The following VEZT variants were observed in gnomAD, a reference collection of about 807,000 sequenced individuals.
VEZT encodes vezatin.
A neutral mutation model predicts 79.9 loss-of-function variants in VEZT; 39 were observed. The observed-to-expected ratio is 0.49, with a 90% CI of 0.38 to 0.64. The LOEUF (loss-of-function observed/expected upper bound fraction) is 0.64. Ranked by LOEUF, VEZT falls within the 30% of genes least tolerant of loss-of-function variation. The pLI is 0.00. For missense variants in VEZT, 837 were observed against 893.1 expected, an observed-to-expected ratio of 0.94 and a Z score of 0.80; for synonymous variants, 325 against 327.6, an observed-to-expected ratio of 0.99 and a Z score of 0.09.
In VEZT at chr12:95,300,422, G is replaced by A. The variant is rs1594316424; in HGVS notation, c.2089G>A (p.Glu697Lys). The A allele has an allele frequency of 6.2e-7, 1 of 1,613,986 alleles. No homozygotes were observed. The highest frequency in any genetic ancestry group is 8.5e-7 in the Non-Finnish European group (1 of 1,179,876). Residue 697 changes from glutamate (E) to lysine (K), a missense_variant, in exon 12 of 12, where the codon GAA becomes AAA. Physicochemically the swap from Glu to Lys is moderately conservative, Grantham distance 56. Transcript: ENST00000436874. ...AAGAATGTGTTACCAATGTGAGAGT[G>A]AAGATGAACCACAAGCAGATGGAAG... ...EERMCYQCES[E>K]DEPQADGSGL...
In VEZT at chr12:95,252,603, A is replaced by G. The variant is rs551071284; in HGVS notation, c.168+532A>G. ...AGGCCGAGATACTAGAAAAATCTCC[A>G]TTAATTATGTTCTACAAAATGCATT... is the stretch of plus-strand genomic sequence containing the variant. On this transcript the variant is annotated intron_variant, in intron 2 of 11. Coordinates refer to ENST00000436874, the MANE Select transcript of VEZT (RefSeq NM_017599.4). 6.6e-4 allele frequency among the ~76,000 whole-genome samples: 101 copies of G among 152,354 alleles called. No homozygotes were observed. In the South Asian group the frequency reaches 9.5e-3, roughly 14 times the overall value.
In VEZT at chr12:95,257,173, T is replaced by C. The variant is rs746165542; in HGVS notation, c.192T>C (p.Ala64=). 6.2e-7 allele frequency: 1 copy of C among 1,611,636 alleles called. No individual in the cohort carries two copies. The highest frequency in any genetic ancestry group is 1.1e-5 in the South Asian group (1 of 90,462). The change falls in exon 3 of 12, where the codon GCT becomes GCC. Residue 64 remains alanine, a synonymous_variant. Coordinates refer to ENST00000436874, the MANE Select transcript of VEZT (RefSeq NM_017599.4). ...LPKQGILLKV[A]ETIKSWIFFS... is the part of the protein sequence containing the mutation. Reference sequence around the variant, plus strand: ...AGCAAGGTATCCTGTTAAAAGTGGCTGAAACCATCAAAAGTTGGATTTTTT... The same window carrying C: ...AGCAAGGTATCCTGTTAAAAGTGGCCGAAACCATCAAAAGTTGGATTTTTT...
chr12:95,300,964 A>C lies in VEZT; in HGVS notation c.*291A>C, dbSNP rs2075146116. On this transcript the variant is annotated 3_prime_UTR_variant, in exon 12 of 12. Coordinates refer to ENST00000436874, the MANE Select transcript of VEZT (RefSeq NM_017599.4). ...CTTTAAGTATTTTTAATAAGAAATG[A>C]ATTATCATTTCTTGCCAGAATTTGC... is the stretch of plus-strand genomic sequence containing the variant. 9.8e-6 allele frequency: 2 copies of C among 204,310 alleles called. No homozygotes were observed. 12.7% of individuals were successfully genotyped at this position (204,310 alleles called of 1,614,324 possible). A position where few individuals can be genotyped will look rare whatever the true frequency, so the allele number is the denominator to read the frequency against.
chr12:95,287,619 A>G (rs1393455882), intron 8 of VEZT, 45 bp from the exon 9 acceptor site: 1 of 1,403,978 alleles, frequency 7.1e-7, no homozygotes, highest in Non-Finnish European at 9.4e-7. Flanking sequence ...TAAATTTTTC[A>G]TTTCATATTA....
chr12:95,269,960 TACATTTAATAGAATTGTGGATTTAGGAA>T, intron 5 of VEZT, 63 bp from the exon 6 acceptor site: 1 of 1,444,920 alleles, frequency 6.9e-7, no homozygotes, highest in Non-Finnish European at 9.4e-7. Flanking sequence ...ATTTGTTTTC[TACATTTAATAGAATTGTGGATTTAGGAA>T]ACAAAAACTT....
In VEZT at chr12:95,266,359, A is replaced by G. The variant is rs2065537902; in HGVS notation, c.437A>G (p.Asp146Gly). 2 of 1,605,562 alleles carry G rather than the reference A, an allele frequency of 1.2e-6. No individual in the cohort carries two copies. The highest frequency in any genetic ancestry group is 2.7e-5 in the African/African-American group (2 of 74,672). Residue 146 changes from aspartate to glycine, a missense_variant and splice_region_variant, in exon 5 of 12, where the codon GAT (aspartate) becomes GGT (glycine). Transcript: ENST00000436874. The stretch of plus-strand genomic sequence containing the variant: ...TTTTCTTCCTTTCTTGTTCCCAGGG[A>G]TCTCTCAATGCTATTTGCCTTCATT... ...LCSLATPNIW[D>G]LSMLFAFISL...
chr12:95,263,197 C>A (rs2064862408), intron 4 of VEZT, 116 bp downstream of exon 4: 2 of 958,604 alleles, frequency 2.1e-6, no homozygotes, highest in South Asian at 3.4e-5. Flanking sequence ...TTTAGCAGTA[C>A]AATTAAAGTA....
At chr12:95,235,672 A>C (rs1254647937) in intron 1 of VEZT, among the ~76,000 whole-genome samples, 2 of 104,828 alleles carry the variant, frequency 1.9e-5, no homozygotes, top group African/African-American at 7.9e-5. Context: ...CGGGGGGCTG[A>C]CCCCCACCTC....
chr12:95,281,939 A>AATAT (rs1263634881), intron 7 of VEZT, among the ~76,000 whole-genome samples: 1 of 151,236 alleles, frequency 6.6e-6, no homozygotes, highest in Non-Finnish European at 1.5e-5. Context: ...GAGAGAAAAA[A>AATAT]ATATATATAT....
Position 95,291,238 on chromosome 12 carries a change from T to C in VEZT, c.1523-3034T>C, listed in dbSNP as rs76964528. Among the ~76,000 whole-genome samples, 126 of 152,286 alleles carry C rather than the reference T, an allele frequency of 8.3e-4. 2 individuals carry two copies. In the East Asian group the frequency reaches 0.021, roughly 26 times the overall value. On this transcript the variant is annotated intron_variant, in intron 9 of 11. Coordinates refer to ENST00000436874, the MANE Select transcript of VEZT (RefSeq NM_017599.4). ...ACAGTGAGACCCTGTCTCAAAAATA[T>C]ATGTGTGTGCGCATGTGTATGTGTG...
intron 10 of VEZT, among the ~76,000 whole-genome samples, chr12:95,295,844 G>A (rs2074026151): frequency 6.6e-6 from 1 of 152,142 alleles, no homozygotes; most frequent in African/African-American, 2.4e-5. Flanking sequence ...ATGCTTTTTA[G>A]TATCAACTGT....
rs764362580 is a variant in VEZT, at chr12:95,287,846, C to T, written c.1511C>T (p.Thr504Ile). The change falls in exon 9 of 12, where the codon ACA becomes ATA. Residue 504 changes from threonine (T) to isoleucine (I), a missense_variant. Coordinates refer to ENST00000436874, the MANE Select transcript of VEZT (RefSeq NM_017599.4). ...SQVDKLLRRN[T>I]DKKGKPEIAC... Reference sequence around the variant, plus strand: ...GTCGACAAACTGCTACGAAGAAATACAGATAAAAAAGGTACCTGTGAGAGA... The same window carrying T: ...GTCGACAAACTGCTACGAAGAAATATAGATAAAAAAGGTACCTGTGAGAGA... The T allele has an allele frequency of 2.5e-6, 4 of 1,593,150 alleles. No homozygotes were observed. The highest frequency in any genetic ancestry group is 1.1e-5 in the South Asian group (1 of 87,302).
At chr12:95,299,694 A>G (rs1445064525) in intron 11 of VEZT, 2 of 152,320 alleles carry the variant, frequency 1.3e-5, no homozygotes, top group African/African-American at 4.8e-5. Flanking sequence ...ATCAGTGAAA[A>G]CCATGCTGCT....
intron 1 of VEZT, 94 bp downstream of exon 1, chr12:95,217,980 G>C: frequency 3.0e-6 from 4 of 1,319,558 alleles, no homozygotes; most frequent in Non-Finnish European, 4.0e-6. Flanking sequence ...GCGAGGGATC[G>C]GGTGACGCGC....
chr12:95,256,702 C>T (rs2063536303), intron 2 of VEZT: 1 of 726,940 alleles, frequency 1.4e-6, no homozygotes, highest in South Asian at 1.6e-5. Flanking sequence ...GTCAAAGTAT[C>T]TTTTTGACTT....
At chr12:95,289,100 ATAAAT>A (rs2071889316) in intron 9 of VEZT, among the ~76,000 whole-genome samples, 1 of 145,756 alleles carries the variant, frequency 6.9e-6, no homozygotes, top group African/African-American at 2.5e-5. Context: ...AAATAAATAA[ATAAAT>A]AAATAAATAA....
At chr12:95,280,335 T>C (rs920836533) in intron 7 of VEZT, among the ~76,000 whole-genome samples, 3 of 152,074 alleles carry the variant, frequency 2.0e-5, no homozygotes, top group African/African-American at 7.2e-5. Context: ...GACTTCCTGC[T>C]CCCTAGAACT....
intron 7 of VEZT, 119 bp downstream of exon 7, chr12:95,275,008 C>A: frequency 1.7e-6 from 2 of 1,192,898 alleles, no homozygotes; most frequent in Non-Finnish European, 2.3e-6. Flanking sequence ...ATACCATCAT[C>A]ATAAATGCAC....
At chr12:95,277,369 C>A (rs1436703708) in intron 7 of VEZT, among the ~76,000 whole-genome samples, 1 of 151,962 alleles carries the variant, frequency 6.6e-6, no homozygotes, top group Non-Finnish European at 1.5e-5. Context: ...TACAGCTTGC[C>A]CGTGAAAATT....
Sources: allele counts gnomAD v4.1 joint callset (sites outside exome capture counted in the v4.1 genomes callset), GRCh38; gene constraint gnomAD v4.1.1; transcripts MANE v1.5; gene names NCBI Gene and HGNC (gene_info 2026-07-23, HGNC 2026-07-21).